Variants in DNAH9 observed in about 807,000 individuals in gnomAD.
DNAH9 encodes the protein DNAH9 variant protein.
A neutral mutation model predicts 471.6 loss-of-function variants in DNAH9; 345 were observed. That is an observed-to-expected ratio of 0.73 (90% CI 0.67 to 0.80). The LOEUF (loss-of-function observed/expected upper bound fraction) is 0.80, where lower values mean the gene tolerates loss of function less well. DNAH9 is among the 30% of genes least tolerant of loss of function. The probability of loss-of-function intolerance (pLI) is 0.00; values close to 1 mark genes in which losing one functional copy is unlikely to be tolerated. For synonymous variants in DNAH9, 2,093 were observed against 2,123.6 expected, an observed-to-expected ratio of 0.99 and a Z score of 0.40; for missense variants, 5,407 against 5,609.2, an observed-to-expected ratio of 0.96 and a Z score of 1.15.
At chr17:11,722,942 A>G (rs898534737) in intron 27 of DNAH9, among the ~76,000 whole-genome samples, 14 of 152,146 alleles carry the variant, frequency 9.2e-5, no homozygotes, top group African/African-American at 3.1e-4. Flanking sequence ...TGTAGCAGCC[A>G]TATTGTGGAT....
intron 60 of DNAH9, among the ~76,000 whole-genome samples, chr17:11,904,662 G>C (rs543846222): frequency 7.5e-6 from 1 of 133,044 alleles, no homozygotes; most frequent in East Asian, 2.4e-4. Flanking sequence ...AAAAAAGAAT[G>C]GGGAAGGAAT....
Position 11,883,662 on chromosome 17 carries a change from C to T in DNAH9, c.10883C>T (p.Ser3628Phe). The T allele has an allele frequency of 6.2e-7, 1 of 1,614,130 alleles. No individual in the cohort carries two copies. The highest frequency in any genetic ancestry group is 1.3e-5 in the African/African-American group (1 of 75,032). Reference sequence around the variant, plus strand: ...GAAGACAGTCTTCTCTCTCGCCTCTCCTCCGCCTCTGGGAACTTCCTGGGA... The same window carrying T: ...GAAGACAGTCTTCTCTCTCGCCTCTTCTCCGCCTCTGGGAACTTCCTGGGA... ...TLEDSLLSRL[S>F]SASGNFLGET... The change falls in exon 56 of 69, where the codon TCC (serine) becomes TTC (phenylalanine). Residue 3628 changes from serine (S) to phenylalanine (F), a missense_variant. By Grantham distance (155) the Ser-to-Phe change is radical. Around this residue, in one of 3 missense-constraint regions of DNAH9, gnomAD observed 4,636 missense variants for 4,900.3 expected, o/e 0.95. Coordinates refer to ENST00000262442, the MANE Select transcript of DNAH9 (RefSeq NM_001372.4).
chr17:11,921,663 C>A (rs1371959700), intron 61 of DNAH9, among the ~76,000 whole-genome samples: 1 of 152,200 alleles, frequency 6.6e-6, no homozygotes, highest in East Asian at 1.9e-4. Context: ...TACCTCCGCA[C>A]CCATGAGGCT....
At chr17:11,960,753 C>T (rs1455092629) in intron 67 of DNAH9, among the ~76,000 whole-genome samples, 5 of 151,668 alleles carry the variant, frequency 3.3e-5, no homozygotes, top group Non-Finnish European at 5.9e-5. Context: ...AGCAAGACAC[C>T]GTCTCCAGAA....
intron 17 of DNAH9, among the ~76,000 whole-genome samples, chr17:11,671,747 A>T (rs1441671781): frequency 6.6e-6 from 1 of 152,322 alleles, no homozygotes; most frequent in African/African-American, 2.4e-5. Context: ...ATGTGAAAGG[A>T]TCAAAAACAC....
chr17:11,752,420 C>T (rs2150851712), intron 32 of DNAH9, among the ~76,000 whole-genome samples: 1 of 152,260 alleles, frequency 6.6e-6, no homozygotes, highest in East Asian at 1.9e-4. Context: ...GAGAATGCAC[C>T]TTGGGCACTG....
chr17:11,784,348 T>A lies in DNAH9; in HGVS notation c.7870T>A (p.Ser2624Thr). The change falls in exon 41 of 69, where the codon TCC (serine) becomes ACC (threonine). Residue 2624 changes from serine (S) to threonine (T), a missense_variant. Transcript: ENST00000262442. The stretch of plus-strand genomic sequence containing the variant: ...CTCCTTCCCGGGGGCAGATGCCCTG[T>A]CCTCTATCTACAGCATCATCCTCAC... ...VLSFPGADAL[S>T]SIYSIILTQH... 1 of 1,614,194 alleles carries A rather than the reference T, an allele frequency of 6.2e-7. No individual in the cohort carries two copies. The highest frequency in any genetic ancestry group is 1.1e-5 in the South Asian group (1 of 91,088).
chr17:11,598,502 C>T lies in DNAH9; in HGVS notation c.4C>T (p.Arg2Trp), dbSNP rs1450305765. The T allele has an allele frequency of 3.0e-6, 4 of 1,354,516 alleles. No individual in the cohort carries two copies. Among genetic ancestry groups the T allele is most frequent in the Admixed American group, 3.9e-5 (1 of 25,336 alleles). 83.9% of individuals were successfully genotyped at this position (1,354,516 alleles called of 1,614,324 possible). The change falls in exon 1 of 69, where the codon CGG (arginine) becomes TGG (tryptophan). Residue 2 changes from arginine (R) to tryptophan (W), a missense_variant. Coordinates refer to ENST00000262442, the MANE Select transcript of DNAH9 (RefSeq NM_001372.4). Reference protein sequence around the residue: MRLAEERAALAA... With the variant: MWLAEERAALAA... ...ATGCAGCTGGAGGCCGCGCGCGATG[C>T]GGCTCGCGGAGGAGCGGGCCGCGCT...
chr17:11,954,769 T>TA (rs34740871), intron 67 of DNAH9, among the ~76,000 whole-genome samples: 2,566 of 118,668 alleles, frequency 0.022, 79 homozygotes, highest in African/African-American at 0.068. Context: ...GACTTCGTCT[T>TA]AAAAAAAAAA....
Position 11,652,880 on chromosome 17 carries a change from A to C in DNAH9, c.2473A>C (p.Ile825Leu). ...CATCATGAAAACATGGGTGACTCCA[A>C]TATTTAAGACAAAAGATGGAAAAAG... The part of the protein sequence containing the change: ...QNIMKTWVTP[I>L]FKTKDGKRES... Residue 825 changes from isoleucine to leucine, a missense_variant, in exon 14 of 69, where the codon ATA (isoleucine) becomes CTA (leucine). Coordinates refer to ENST00000262442, the MANE Select transcript of DNAH9 (RefSeq NM_001372.4). 6.2e-7 allele frequency: 1 copy of C among 1,614,178 alleles called. No individual in the cohort carries two copies. Among genetic ancestry groups the C allele is most frequent in the East Asian group, 2.2e-5 (1 of 44,876 alleles).
intron 27 of DNAH9, among the ~76,000 whole-genome samples, chr17:11,722,233 G>A (rs774742608): frequency 1.3e-5 from 2 of 152,230 alleles, no homozygotes; most frequent in Non-Finnish European, 2.9e-5. Context: ...CAAGGGCTAA[G>A]CTACCTTACA....
chr17:11,719,469 C>T lies in DNAH9; in HGVS notation c.5688C>T (p.Cys1896=). The change falls in exon 27 of 69, where the codon TGC becomes TGT. Residue 1896 remains cysteine, a synonymous_variant. Transcript: ENST00000262442. ...ALGILVYVFN[C]SEQMDYKSCG... is the part of the protein sequence containing the mutation. Reference sequence around the variant, plus strand: ...GCATCCTGGTCTATGTGTTCAACTGCTCGGAGCAGATGGATTACAAGGTAC... The same window carrying T: ...GCATCCTGGTCTATGTGTTCAACTGTTCGGAGCAGATGGATTACAAGGTAC... 1.2e-6 allele frequency: 2 copies of T among 1,613,568 alleles called. No homozygotes were observed. Among genetic ancestry groups the T allele is most frequent in the Non-Finnish European group, 1.7e-6 (2 of 1,179,932 alleles).
At chr17:11,660,072 T>G (rs2073728553) in intron 14 of DNAH9, among the ~76,000 whole-genome samples, 1 of 152,162 alleles carries the variant, frequency 6.6e-6, no homozygotes. Context: ...TTGATTTTGC[T>G]AATTTTCTCT....
intron 17 of DNAH9, among the ~76,000 whole-genome samples, chr17:11,672,979 G>T (rs1190052514): frequency 6.6e-6 from 1 of 152,008 alleles, no homozygotes; most frequent in Non-Finnish European, 1.5e-5. Context: ...TATCATCCTT[G>T]GTCCCTGTTC....
Position 11,902,761 on chromosome 17 carries a change from A to C in DNAH9, c.11449A>C (p.Ile3817Leu), listed in dbSNP as rs1973454997. 1 of 1,613,992 alleles carries C rather than the reference A, an allele frequency of 6.2e-7. No individual in the cohort carries two copies. Among genetic ancestry groups the C allele is most frequent in the African/African-American group, 1.3e-5 (1 of 74,946 alleles). Reference protein sequence around the residue: ...MEEFSNLDRDIEGSAKSWKKF... With the variant: ...MEEFSNLDRDLEGSAKSWKKF... ...AGAATTCTCTAATCTGGATCGGGACATAGAGGGATCTGCTAAGAGCTGGAA... is the reference window on the plus strand; with the variant it reads ...AGAATTCTCTAATCTGGATCGGGACCTAGAGGGATCTGCTAAGAGCTGGAA... The change falls in exon 60 of 69, where the codon ATA (isoleucine) becomes CTA (leucine). Residue 3817 changes from isoleucine (I) to leucine (L), a missense_variant. By Grantham distance (5) the Ile-to-Leu change is conservative. Around this residue, in one of 3 missense-constraint regions of DNAH9, gnomAD observed 4,636 missense variants for 4,900.3 expected, o/e 0.95. Transcript: ENST00000262442.
intron 27 of DNAH9, among the ~76,000 whole-genome samples, chr17:11,724,900 G>A (rs529925999): frequency 1.3e-5 from 2 of 152,192 alleles, no homozygotes; most frequent in African/African-American, 4.8e-5. Flanking sequence ...AATCAGTGGG[G>A]GCCCTGGTCT....
intron 32 of DNAH9, among the ~76,000 whole-genome samples, chr17:11,750,966 T>C (rs1237975090): frequency 6.6e-6 from 1 of 152,022 alleles, no homozygotes; most frequent in African/African-American, 2.4e-5. Context: ...AATGTAAATA[T>C]TGGTTCGCTG....
intron 15 of DNAH9, among the ~76,000 whole-genome samples, chr17:11,665,309 C>T (rs952053993): frequency 2.6e-5 from 4 of 152,210 alleles, no homozygotes; most frequent in Non-Finnish European, 4.4e-5. Flanking sequence ...CAGAAGGCTT[C>T]ATCCAAGCTT....
intron 61 of DNAH9, among the ~76,000 whole-genome samples, chr17:11,910,759 G>A (rs966313143): frequency 1.3e-5 from 2 of 152,284 alleles, no homozygotes; most frequent in East Asian, 1.9e-4. Context: ...GTATGCAGTG[G>A]TAGCTCACTG....
Sources: gnomAD v4.1 joint callset for allele counts (sites outside exome capture counted in the v4.1 genomes callset) on GRCh38, gnomAD v4.1.1 for gene constraint, gnomAD v4.1.1 regional missense constraint, MANE v1.5 for transcripts, NCBI Gene and HGNC (gene_info 2026-07-23, HGNC 2026-07-21) for gene names.